The following NOXRED1 variants were observed in gnomAD, a reference collection of about 807,000 sequenced individuals.
NOXRED1 encodes the protein NADP-dependent oxidoreductase domain-containing protein 1.
A neutral mutation model predicts 30.4 loss-of-function variants in NOXRED1; 20 were observed. That is an observed-to-expected ratio of 0.66 (90% confidence interval 0.46 to 0.96). The LOEUF is 0.96. NOXRED1 is among the 40% of genes least tolerant of loss of function. NOXRED1 has a pLI of 0.00. For synonymous variants in NOXRED1, 155 were observed against 168.0 expected, an observed-to-expected ratio of 0.92 and a Z score of 0.60; for missense variants, 374 against 428.0, an observed-to-expected ratio of 0.87 and a Z score of 1.11.
At chr14:77,407,193 T>A (rs999025645) in intron 3 of NOXRED1, among the ~76,000 whole-genome samples, 4 of 152,240 alleles carry the variant, frequency 2.6e-5, no homozygotes, top group African/African-American at 9.6e-5. Flanking sequence ...GGAGAATACT[T>A]CAGTGTTCAA....
intron 5 of NOXRED1, among the ~76,000 whole-genome samples, chr14:77,401,806 A>G (rs1255522105): frequency 6.6e-6 from 1 of 152,254 alleles, no homozygotes; most frequent in Non-Finnish European, 1.5e-5. Context: ...TTAAAGCTAC[A>G]GTAATCATGA....
intron 2 of NOXRED1, among the ~76,000 whole-genome samples, chr14:77,410,470 A>G (rs953082190): frequency 6.6e-6 from 1 of 152,012 alleles, no homozygotes; most frequent in African/African-American, 2.4e-5. Flanking sequence ...TTAGCTGGGC[A>G]TGGTGGTGTG....
intron 5 of NOXRED1, among the ~76,000 whole-genome samples, chr14:77,402,028 A>G (rs77786926): frequency 0.048 from 7,365 of 152,338 alleles, 235 homozygotes; most frequent in Middle Eastern, 0.14. Flanking sequence ...CACCCTTCAC[A>G]GAAGTTAAGT....
intron 1 of NOXRED1, among the ~76,000 whole-genome samples, chr14:77,418,848 T>G (rs1053172924): frequency 5.3e-5 from 8 of 152,228 alleles, no homozygotes; most frequent in African/African-American, 1.9e-4. Context: ...CTTTAAATCC[T>G]ATACCACAAT....
At chr14:77,411,963 C>T (rs1456716668) in intron 2 of NOXRED1, among the ~76,000 whole-genome samples, 3 of 151,736 alleles carry the variant, frequency 2.0e-5, no homozygotes, top group South Asian at 2.1e-4. Context: ...GGTGTGGTGG[C>T]GTATGCCTGT....
At position 77,406,086 on chromosome 14, in the gene NOXRED1, G is replaced by A. The variant is rs746326402; in HGVS notation, c.732C>T (p.Ala244=). The A allele has an allele frequency of 3.1e-6, 5 of 1,613,662 alleles. No individual in the cohort carries two copies. The Admixed American group carries it at 8.3e-5, about 27-fold the overall frequency. The change falls in exon 5 of 6, where the codon GCC becomes GCT. Residue 244 remains alanine (A), a synonymous_variant. Coordinates refer to ENST00000380835, the MANE Select transcript of NOXRED1 (RefSeq NM_001113475.3). ...IKWLEGVFYA[A]LNICTARNMA... ...TGTTTCTTGCTGTGCATATGTTTAG[G>A]GCCGCATAGAACACTCCCTCCAACC...
intron 1 of NOXRED1, among the ~76,000 whole-genome samples, chr14:77,416,691 A>C (rs1007228325): frequency 2.4e-3 from 334 of 139,566 alleles, no homozygotes; most frequent in Non-Finnish European, 2.7e-3. Flanking sequence ...CATTGTCATC[A>C]TGGCCCGTTC....
intron 5 of NOXRED1, among the ~76,000 whole-genome samples, chr14:77,399,917 C>T (rs1894281301): frequency 1.3e-5 from 2 of 151,972 alleles, no homozygotes; most frequent in South Asian, 4.2e-4. Flanking sequence ...ACACAAGAAA[C>T]TATACCTAAA....
At position 77,394,088 on chromosome 14, in the gene NOXRED1, T is replaced by C. The variant is rs1432559116; in HGVS notation, c.*543A>G. ...TTAAATACCAGTTTTTTAAATGGTT[T>C]AAATGGGAACAGCTGTAAATAAGAT... On this transcript the variant is annotated 3_prime_UTR_variant, in exon 6 of 6. Transcript: ENST00000380835. 1 of 152,224 alleles carries C rather than the reference T, an allele frequency of 6.6e-6. No homozygotes were observed. The highest frequency in any genetic ancestry group is 1.5e-5 in the Non-Finnish European group (1 of 68,040). 9.4% of individuals were successfully genotyped at this position (152,224 alleles called of 1,614,324 possible). A position where few individuals can be genotyped will look rare whatever the true frequency, so the allele number is the denominator to read the frequency against.
intron 2 of NOXRED1, among the ~76,000 whole-genome samples, chr14:77,408,368 T>C (rs1894541941): frequency 6.6e-6 from 1 of 151,984 alleles, no homozygotes; most frequent in Non-Finnish European, 1.5e-5. Context: ...GCTAATTTTT[T>C]TATTTTGTGT....
intron 1 of NOXRED1, among the ~76,000 whole-genome samples, chr14:77,421,137 CA>C (rs1472128785): frequency 6.6e-6 from 1 of 152,186 alleles, no homozygotes; most frequent in African/African-American, 2.4e-5. Context: ...GGAGAAGCCA[CA>C]AATTAGGCAT....
At chr14:77,424,570 C>G (rs374790009), upstream of NOXRED1, among the ~76,000 whole-genome samples, 25 of 152,202 alleles carry the variant, frequency 1.6e-4, 1 homozygote, top group East Asian at 1.3e-3. Context: ...TACACCAAAA[C>G]AGTCAGTAGG....
chr14:77,421,605 A>G (rs1295672069), intron 1 of NOXRED1, among the ~76,000 whole-genome samples: 2 of 152,216 alleles, frequency 1.3e-5, no homozygotes, highest in East Asian at 3.9e-4. Context: ...ACAAAACAAA[A>G]AAGAACAGAA....
At chr14:77,404,031 A>G (rs1199314856) in intron 5 of NOXRED1, among the ~76,000 whole-genome samples, 1 of 152,196 alleles carries the variant, frequency 6.6e-6, no homozygotes, top group East Asian at 1.9e-4. Flanking sequence ...ATTATTTCCA[A>G]CCTGCAATTC....
chr14:77,422,068 C>A (rs925165440), intron 1 of NOXRED1, among the ~76,000 whole-genome samples: 23 of 152,140 alleles, frequency 1.5e-4, no homozygotes, highest in African/African-American at 5.6e-4. Flanking sequence ...TTTGGTCCCA[C>A]CATCTAGGAA....
intron 5 of NOXRED1, among the ~76,000 whole-genome samples, chr14:77,398,741 C>T (rs545168140): frequency 1.3e-5 from 2 of 152,160 alleles, no homozygotes; most frequent in Non-Finnish European, 2.9e-5. Flanking sequence ...GAGGCTGAGG[C>T]GGGCAGATCA....
At position 77,412,101 on chromosome 14, in the gene NOXRED1, TAAAAAAAAAAAAA is replaced by T. The variant is rs71128621; in HGVS notation, c.349+1820_349+1832del. ...CTAGGTGACAGAGCAAGACTCAGTC[TAAAAAAAAAAAAA>T]AAAAAAAAAAAAATTTAATAAAGCT... On this transcript the variant is annotated intron_variant, in intron 2 of 5. Coordinates refer to ENST00000380835, the MANE Select transcript of NOXRED1 (RefSeq NM_001113475.3). Among the ~76,000 whole-genome samples, 308 of 63,732 alleles carry T rather than the reference TAAAAAAAAAAAAA, an allele frequency of 4.8e-3. 2 individuals carry two copies. The highest frequency in any genetic ancestry group is 0.017 in the African/African-American group (300 of 18,008). 41.8% of individuals were successfully genotyped at this position (63,732 alleles called of 152,430 possible).
chr14:77,424,335 C>T (rs1417359945), upstream of NOXRED1, among the ~76,000 whole-genome samples: 1 of 152,036 alleles, frequency 6.6e-6, no homozygotes, highest in African/African-American at 2.4e-5. Context: ...TGTGGTGGCA[C>T]GTCTGTAATC....
Position 77,394,595 on chromosome 14 carries a change from C to A in NOXRED1, c.*36G>T. 1.9e-6 allele frequency: 3 copies of A among 1,545,524 alleles called. No homozygotes were observed. In the East Asian group the frequency reaches 6.7e-5, roughly 35 times the overall value. The stretch of plus-strand genomic sequence containing the variant: ...AGGGCACAACTATTATAGGGAAAAT[C>A]TGTGAGTGGGAAAAAATCCTGATTC... On this transcript the variant is annotated 3_prime_UTR_variant, in exon 6 of 6. Coordinates refer to ENST00000380835, the MANE Select transcript of NOXRED1 (RefSeq NM_001113475.3).
Sources: allele counts gnomAD v4.1 joint callset (sites outside exome capture counted in the v4.1 genomes callset), GRCh38; gene constraint gnomAD v4.1.1; transcripts MANE v1.5; gene names NCBI Gene and HGNC (gene_info 2026-07-23, HGNC 2026-07-21).